EPS8: variants seen among roughly 807,000 people sequenced by gnomAD.
The protein encoded by EPS8 is EGFR pathway substrate 8, signaling adaptor.
EPS8 carries 42 observed loss-of-function variants against 103.8 expected under a neutral mutation model. The observed-to-expected ratio is 0.40, with a 90% CI of 0.32 to 0.52. The LOEUF (loss-of-function observed/expected upper bound fraction) is 0.52. EPS8 is among the 20% of genes least tolerant of loss of function. The probability of loss-of-function intolerance (pLI) is 0.40; values close to 1 mark genes in which losing one functional copy is unlikely to be tolerated. For synonymous variants in EPS8, 344 were observed against 344.6 expected, an observed-to-expected ratio of 1.00 and a Z score of 0.02; for missense variants, 969 against 1,005.1, an observed-to-expected ratio of 0.96 and a Z score of 0.49.
At chr12:15,640,337 C>T (rs1055454168) in intron 17 of EPS8, among the ~76,000 whole-genome samples, 1 of 152,076 alleles carries the variant, frequency 6.6e-6, no homozygotes, top group Non-Finnish European at 1.5e-5. Context: ...GACACCATGC[C>T]GTGATATCAG....
At chr12:15,703,858 T>G (rs1946347035) in intron 1 of EPS8, among the ~76,000 whole-genome samples, 1 of 146,188 alleles carries the variant, frequency 6.8e-6, no homozygotes, top group Non-Finnish European at 1.5e-5. Flanking sequence ...TTTTTTTTTT[T>G]TTTTTTTTTT....
chr12:15,656,194 T>C (rs1338031609), intron 12 of EPS8, among the ~76,000 whole-genome samples: 1 of 150,884 alleles, frequency 6.6e-6, no homozygotes, highest in Non-Finnish European at 1.5e-5. Context: ...AACTTCTTTA[T>C]AAATAATACT....
intron 18 of EPS8, 33 bp from the exon 19 acceptor site, chr12:15,624,440 A>C (rs1944911677): frequency 6.7e-7 from 1 of 1,488,002 alleles, no homozygotes; most frequent in African/African-American, 1.4e-5. Flanking sequence ...TTCTTTTTGA[A>C]AATCCCTAAT....
rs1234147143 is a variant in EPS8, at chr12:15,760,794, A to G, written c.-22+28367T>C. 6.6e-6 allele frequency among the ~76,000 whole-genome samples: 1 copy of G among 152,120 alleles called. No homozygotes were observed. Among genetic ancestry groups the G allele is most frequent in the Non-Finnish European group, 1.5e-5 (1 of 67,980 alleles). On this transcript the variant is annotated intron_variant, in intron 1 of 20. Transcript: ENST00000281172. This position sits in a 1 kb window ranked among gnomAD's most constrained non-coding sequence, Gnocchi z 4.5. ...TCAAAAAGCTGGGAACAGAAAGAAT[A>G]TACCTTAACATAATAAAAGCCATAT...
intron 13 of EPS8, 33 bp downstream of exon 13, chr12:15,654,112 G>A (rs1435384870): frequency 6.3e-7 from 1 of 1,592,938 alleles, no homozygotes; most frequent in African/African-American, 1.3e-5. Flanking sequence ...ACAAAGAATG[G>A]TACTTAAGGC....
chr12:15,663,598 C>A (rs1945645382), intron 8 of EPS8, among the ~76,000 whole-genome samples: 1 of 151,950 alleles, frequency 6.6e-6, no homozygotes, highest in African/African-American at 2.4e-5. Flanking sequence ...AGCTCAGAAA[C>A]CCCTAGGGAT....
At chr12:15,726,103 T>C (rs995180726) in intron 1 of EPS8, among the ~76,000 whole-genome samples, 10 of 152,122 alleles carry the variant, frequency 6.6e-5, no homozygotes, top group African/African-American at 2.4e-4. Flanking sequence ...GGAAGCAAAA[T>C]GCCACTTCTC....
intron 3 of EPS8, among the ~76,000 whole-genome samples, chr12:15,679,020 T>C (rs942595739): frequency 1.3e-5 from 2 of 152,148 alleles, no homozygotes; most frequent in Non-Finnish European, 2.9e-5. Flanking sequence ...AGGTGAGTTC[T>C]ATTTTCTATT....
Position 15,764,505 on chromosome 12 carries a change from T to C in EPS8, c.-22+24656A>G, listed in dbSNP as rs1947073534. ...GGTTACCAGAACCGAGGACTGATTT[T>C]ATGTAAACTGTAAAACCAACAGGCC... is the stretch of plus-strand genomic sequence containing the variant. On this transcript the variant is annotated intron_variant, in intron 1 of 20. Coordinates refer to ENST00000281172, the MANE Select transcript of EPS8 (RefSeq NM_004447.6). The surrounding 1 kb of genome is among the most constrained non-coding windows in gnomAD (Gnocchi z 4.1). Among the ~76,000 whole-genome samples the C allele has an allele frequency of 6.6e-6, 1 of 152,228 alleles. No individual in the cohort carries two copies. Among genetic ancestry groups the C allele is most frequent in the Admixed American group, 6.5e-5 (1 of 15,288 alleles).
rs1041035650 is a variant in EPS8, at chr12:15,727,641, C to T, written c.-21-44669G>A. Among the ~76,000 whole-genome samples, 2 of 152,128 alleles carry T rather than the reference C, an allele frequency of 1.3e-5. No homozygotes were observed. Among genetic ancestry groups the T allele is most frequent in the Non-Finnish European group, 2.9e-5 (2 of 68,018 alleles). ...TTGGGAGGCCGAGGTGGGCGGATCA[C>T]GAGGTCAGGAGTTCGAGACCAGCCT... On this transcript the variant is annotated intron_variant, in intron 1 of 20. Coordinates refer to ENST00000281172, the MANE Select transcript of EPS8 (RefSeq NM_004447.6). This position sits in a 1 kb window ranked among gnomAD's most constrained non-coding sequence, Gnocchi z 4.3.
chr12:15,754,904 C>A (rs1946970036), intron 1 of EPS8, among the ~76,000 whole-genome samples: 1 of 152,196 alleles, frequency 6.6e-6, no homozygotes, highest in Admixed American at 6.5e-5. Context: ...GGCATTTCTG[C>A]CACCTGGTTA....
intron 2 of EPS8, 49 bp from the exon 3 acceptor site, chr12:15,681,351 G>C: frequency 1.2e-6 from 1 of 855,902 alleles, no homozygotes; most frequent in Non-Finnish European, 1.6e-6. Flanking sequence ...AAAGGTCATT[G>C]TGTTGGGTTA....
rs199983903 is a variant in EPS8 at position 15,704,635 on chromosome 12, ACTC to A, written c.-21-21666_-21-21664del. ...GAGATTCCATTCAGGAAGATGAAAA[ACTC>A]CTAGAGATGGATGGTCATGATGGCT... On this transcript the variant is annotated intron_variant, in intron 1 of 20. Coordinates refer to ENST00000281172, the MANE Select transcript of EPS8 (RefSeq NM_004447.6). The surrounding 1 kb of genome is among the most constrained non-coding windows in gnomAD (Gnocchi z 4.6). Among the ~76,000 whole-genome samples the A allele has an allele frequency of 1.3e-3, 203 of 152,028 alleles. 4 individuals carry two copies. The East Asian group carries it at 0.037, about 27-fold the overall frequency.
rs949636085 is a variant in EPS8 at position 15,623,975 on chromosome 12, T to G, written c.2225+252A>C. 6.6e-5 allele frequency among the ~76,000 whole-genome samples: 10 copies of G among 152,182 alleles called. No individual in the cohort carries two copies. In the East Asian group the frequency reaches 1.7e-3, roughly 26 times the overall value. On this transcript the variant is annotated intron_variant, in intron 19 of 20. Coordinates refer to ENST00000281172, the MANE Select transcript of EPS8 (RefSeq NM_004447.6). ...AGCTACTGGGCCTCAAAGCTGCCAA[T>G]AGTTTGCTTAAAGAACTAATAATGA...
chr12:15,709,752 T>C (rs1031672541), intron 1 of EPS8, among the ~76,000 whole-genome samples: 1 of 152,222 alleles, frequency 6.6e-6, no homozygotes, highest in Admixed American at 6.5e-5. Flanking sequence ...TATTCACGGC[T>C]CTGCTTAACG....
chr12:15,782,343 A>G, intron 1 of EPS8, among the ~76,000 whole-genome samples: 1 of 152,050 alleles, frequency 6.6e-6, no homozygotes, highest in East Asian at 1.9e-4. Flanking sequence ...AAATAAAAAT[A>G]AAAATAAATT....
intron 1 of EPS8, chr12:15,782,091 G>A (rs1947265907): frequency 6.6e-6 from 1 of 152,052 alleles, no homozygotes; most frequent in African/African-American, 2.4e-5. Flanking sequence ...CCAAAAGAGA[G>A]GTACATTTGA....
chr12:15,654,026 G>A lies in EPS8; in HGVS notation c.1250+119C>T. On this transcript the variant is annotated intron_variant, in intron 13 of 20. Coordinates refer to ENST00000281172, the MANE Select transcript of EPS8 (RefSeq NM_004447.6). Reference sequence around the variant, plus strand: ...TAGACTTCTAGCCTTTAAGGGTTTAGGTTTTTTCATCCTATGACGCTTAGT... The same window carrying A: ...TAGACTTCTAGCCTTTAAGGGTTTAAGTTTTTTCATCCTATGACGCTTAGT... 3.2e-6 allele frequency: 3 copies of A among 951,804 alleles called. No individual in the cohort carries two copies. In the South Asian group the frequency reaches 4.8e-5, roughly 15 times the overall value. 59.0% of individuals were successfully genotyped at this position (951,804 alleles called of 1,614,324 possible). A position where few individuals can be genotyped will look rare whatever the true frequency, so the allele number is the denominator to read the frequency against.
At chr12:15,750,041 A>G (rs899012907) in intron 1 of EPS8, among the ~76,000 whole-genome samples, 2 of 152,188 alleles carry the variant, frequency 1.3e-5, no homozygotes, top group African/African-American at 4.8e-5. Flanking sequence ...ATTGGACTCT[A>G]TCTCTCTAAA....
Sources: gnomAD v4.1 joint callset for allele counts (sites outside exome capture counted in the v4.1 genomes callset) on GRCh38, gnomAD v4.1.1 for gene constraint, Gnocchi (gnomAD v3.1) non-coding constraint, MANE v1.5 for transcripts, NCBI Gene and HGNC (gene_info 2026-07-23, HGNC 2026-07-21) for gene names.